The following ZNF90 variants were observed in gnomAD, a reference collection of about 807,000 sequenced individuals.
The protein encoded by ZNF90 is zinc finger protein 90, also known as zinc finger protein HTF9.
In ZNF90, 11 loss-of-function variants were observed where a neutral mutation model predicts 12.0. The ratio of observed to expected loss-of-function variants is 0.92; its 90% confidence interval spans 0.58 to 1.52. ZNF90 has a LOEUF of 1.52. ZNF90 is among the 40% of genes most tolerant of loss of function. ZNF90 has a pLI of 0.00. For synonymous variants in ZNF90, 232 were observed against 240.1 expected, an observed-to-expected ratio of 0.97 and a Z score of 0.31; for missense variants, 765 against 711.5, an observed-to-expected ratio of 1.08 and a Z score of -0.86.
intron 3 of ZNF90, among the ~76,000 whole-genome samples, chr19:20,106,044 C>CATTTTTTTTTTTTTTTTTTTTTT (rs1555704366): frequency 1.4e-5 from 1 of 71,040 alleles, no homozygotes; most frequent in African/African-American, 5.3e-5. Context: ...CTAATTTTTT[C>CATTTTTTTTTTTTTTTTTTTTTT]TTTTTTTTTT....
Position 20,119,528 on chromosome 19 carries a change from A to G in ZNF90, c.*168A>G. 1 of 680,042 alleles carries G rather than the reference A, an allele frequency of 1.5e-6. No homozygotes were observed. The allele number at this position is 680,042 out of a possible 1,614,324, so 42.1% of individuals were successfully genotyped here. On this transcript the variant is annotated 3_prime_UTR_variant, in exon 4 of 4. Coordinates refer to ENST00000418063, the MANE Select transcript of ZNF90 (RefSeq NM_007138.2). ...ATAAAGAATGTGACAAATCATTTTAAGGAAGTTCTCAACCCTTACTACACA... is the reference window on the plus strand; with the variant it reads ...ATAAAGAATGTGACAAATCATTTTAGGGAAGTTCTCAACCCTTACTACACA...
intron 3 of ZNF90, among the ~76,000 whole-genome samples, chr19:20,110,403 C>G (rs907698989): frequency 2.0e-5 from 3 of 152,062 alleles, no homozygotes; most frequent in African/African-American, 4.8e-5. Context: ...TTCAGCCTCC[C>G]TAGTAACTGG....
chr19:20,078,900 A>G (rs1599636827), intron 1 of ZNF90, among the ~76,000 whole-genome samples: 1 of 152,034 alleles, frequency 6.6e-6, no homozygotes, highest in African/African-American at 2.4e-5. Context: ...AGGCGGGCGG[A>G]TCACGTGGTC....
chr19:20,081,620 T>A (rs1190211707), intron 1 of ZNF90, among the ~76,000 whole-genome samples: 1 of 152,222 alleles, frequency 6.6e-6, no homozygotes, highest in Admixed American at 6.5e-5. Flanking sequence ...CTGGACCTCC[T>A]CTTTATAATC....
chr19:20,107,040 G>A, intron 3 of ZNF90: 6 of 453,348 alleles, frequency 1.3e-5, no homozygotes, highest in East Asian at 7.0e-5. Flanking sequence ...GTATCAGGAT[G>A]TGGATGAGTA....
At chr19:20,116,082 A>G (rs2089134725) in intron 3 of ZNF90, among the ~76,000 whole-genome samples, 1 of 152,188 alleles carries the variant, frequency 6.6e-6, no homozygotes, top group South Asian at 2.1e-4. Flanking sequence ...CATGTTGGCT[A>G]TGCTGACCTT....
chr19:20,086,221 T>C lies in ZNF90; in HGVS notation c.3+8086T>C, dbSNP rs1166731533. 8.8e-5 allele frequency among the ~76,000 whole-genome samples: 13 copies of C among 148,310 alleles called. No individual in the cohort carries two copies. The Admixed American group carries it at 8.9e-4, about 10-fold the overall frequency. On this transcript the variant is annotated intron_variant, in intron 1 of 3. Transcript: ENST00000418063. Reference sequence around the variant, plus strand: ...ACCTGCATTCATATAAATTAAACAGTATTTTCTTTTCTTTTTTTTTTTTTT... The same window carrying C: ...ACCTGCATTCATATAAATTAAACAGCATTTTCTTTTCTTTTTTTTTTTTTT...
intron 3 of ZNF90, among the ~76,000 whole-genome samples, chr19:20,109,999 A>G (rs1436168094): frequency 1.3e-5 from 2 of 152,210 alleles, no homozygotes; most frequent in African/African-American, 4.8e-5. Context: ...TTCTGATTTT[A>G]TGATTTTGAC....
intron 1 of ZNF90, chr19:20,079,936 TC>T: frequency 1.0e-5 from 4 of 396,136 alleles, no homozygotes; most frequent in Admixed American, 3.4e-5. Flanking sequence ...TCGTATTTCC[TC>T]TTTTTTTTTT....
chr19:20,101,225 G>A (rs1366378318), intron 1 of ZNF90, among the ~76,000 whole-genome samples: 2 of 152,202 alleles, frequency 1.3e-5, no homozygotes, highest in African/African-American at 2.4e-5. Context: ...AAGTGCTCGG[G>A]TTCATCCTAA....
At position 20,081,258 on chromosome 19, in the gene ZNF90, G is replaced by T. The variant is rs776251658; in HGVS notation, c.3+3123G>T. The stretch of plus-strand genomic sequence containing the variant: ...GGCTGGAGTGCAGTGGTGCCATCTC[G>T]GCTCACTTCAACCTCTGCCTCCCAG... On this transcript the variant is annotated intron_variant, in intron 1 of 3. Transcript: ENST00000418063. Among the ~76,000 whole-genome samples the T allele has an allele frequency of 1.4e-4, 22 of 151,948 alleles. No homozygotes were observed. In the South Asian group the frequency reaches 2.1e-3, roughly 14 times the overall value.
intron 1 of ZNF90, among the ~76,000 whole-genome samples, chr19:20,085,268 C>CTTTTTTTTTCTTTTTTTTTT (rs143305769): frequency 2.2e-5 from 3 of 135,572 alleles, no homozygotes; most frequent in East Asian, 5.0e-4. Flanking sequence ...TTGCATTGGT[C>CTTTTTTTTTCTTTTTTTTTT]TTTTTTTTTT....
chr19:20,097,650 T>G (rs1305113338), intron 1 of ZNF90, among the ~76,000 whole-genome samples: 1 of 152,234 alleles, frequency 6.6e-6, no homozygotes, highest in Non-Finnish European at 1.5e-5. Context: ...ATAAACATGC[T>G]GCCACTCCAT....
intron 1 of ZNF90, among the ~76,000 whole-genome samples, chr19:20,097,062 G>A (rs2088953527): frequency 6.6e-6 from 1 of 152,162 alleles, no homozygotes; most frequent in Non-Finnish European, 1.5e-5. Context: ...CGTGGTGCTG[G>A]AAATTCTTCT....
chr19:20,105,826 G>A (rs944523966), intron 3 of ZNF90, among the ~76,000 whole-genome samples: 1 of 151,686 alleles, frequency 6.6e-6, no homozygotes, highest in Admixed American at 6.6e-5. Flanking sequence ...TGTTCTTTTT[G>A]TCAAGATTGC....
chr19:20,110,242 A>T (rs1471210444), intron 3 of ZNF90, among the ~76,000 whole-genome samples: 1 of 151,992 alleles, frequency 6.6e-6, no homozygotes, highest in African/African-American at 2.4e-5. Flanking sequence ...ATAAACATGG[A>T]TTTTCAAATA....
In ZNF90 at chr19:20,121,065, C is replaced by G. The variant is rs552860394; in HGVS notation, c.*1705C>G. 5.2e-5 allele frequency: 9 copies of G among 173,324 alleles called. No individual in the cohort carries two copies. The highest frequency in any genetic ancestry group is 2.1e-4 in the African/African-American group (9 of 41,982). 10.7% of individuals were successfully genotyped at this position (173,324 alleles called of 1,614,324 possible). The stretch of plus-strand genomic sequence containing the variant: ...AGGTAGTGTTCAGAGTAATACTTTT[C>G]TACATTATAGTGAGAGAAATTATGA... On this transcript the variant is annotated 3_prime_UTR_variant, in exon 4 of 4. Coordinates refer to ENST00000418063, the MANE Select transcript of ZNF90 (RefSeq NM_007138.2).
At chr19:20,087,689 G>A (rs8101678) in intron 1 of ZNF90, 14,704 of 152,232 alleles carry the variant, frequency 0.097, 1,258 homozygotes, top group East Asian at 0.24. Flanking sequence ...ACTAGCTTTC[G>A]TGCGTGTCTA....
chr19:20,089,097 T>C (rs1301594360), intron 1 of ZNF90, among the ~76,000 whole-genome samples: 1 of 151,982 alleles, frequency 6.6e-6, no homozygotes, highest in African/African-American at 2.4e-5. Flanking sequence ...GAAGGAGTGC[T>C]GAAAGGGGTG....
Sources: gnomAD v4.1 joint callset for allele counts (sites outside exome capture counted in the v4.1 genomes callset) on GRCh38, gnomAD v4.1.1 for gene constraint, MANE v1.5 for transcripts, NCBI Gene and HGNC (gene_info 2026-07-23, HGNC 2026-07-21) for gene names.